KALRN: variants seen among roughly 807,000 people sequenced by gnomAD.
KALRN encodes the protein kalirin.
Under a neutral mutation model 353.7 loss-of-function variants are expected in KALRN, and 70 were observed. The observed-to-expected ratio is 0.20, with a 90% CI of 0.16 to 0.24. The LOEUF (loss-of-function observed/expected upper bound fraction) is 0.24, where lower values mean the gene tolerates loss of function less well. Among genes scored for constraint, KALRN ranks in the 10% least tolerant of loss-of-function variants. The probability of loss-of-function intolerance (pLI) is 1.00; values close to 1 mark genes in which losing one functional copy is unlikely to be tolerated. For synonymous variants in KALRN, 1,391 were observed against 1,434.8 expected (o/e 0.97, Z 0.69); for missense variants, 2,791 against 3,756.7 (o/e 0.74, Z 6.72).
chr3:124,572,324 C>CAA (rs34180333), intron 34 of KALRN, among the ~76,000 whole-genome samples: 1,497 of 136,762 alleles, frequency 0.011, 32 homozygotes, highest in African/African-American at 0.037. Context: ...GACCCCATCT[C>CAA]AAAAAAAAAC....
At chr3:124,140,391 G>A (rs2066472195) in intron 1 of KALRN, among the ~76,000 whole-genome samples, 2 of 152,196 alleles carry the variant, frequency 1.3e-5, no homozygotes, top group African/African-American at 4.8e-5. Flanking sequence ...GAATAGAAGT[G>A]ATATTTTAGG....
At chr3:124,143,506 G>T (rs2066893996) in intron 1 of KALRN, among the ~76,000 whole-genome samples, 1 of 152,170 alleles carries the variant, frequency 6.6e-6, no homozygotes, top group African/African-American at 2.4e-5. Flanking sequence ...TCTGCAACTT[G>T]CGAGCTGTGT....
chr3:124,561,796 T>G (rs1422021217), intron 33 of KALRN, among the ~76,000 whole-genome samples: 2 of 152,200 alleles, frequency 1.3e-5, no homozygotes, highest in African/African-American at 4.8e-5. Flanking sequence ...AGCCTCCTCA[T>G]TCCTTCCGTT....
intron 27 of KALRN, among the ~76,000 whole-genome samples, chr3:124,477,784 C>T (rs761607509): frequency 7.2e-5 from 11 of 152,188 alleles, no homozygotes; most frequent in Non-Finnish European, 1.3e-4. Context: ...GGTAACTGAA[C>T]TCCACTCAAG....
intron 28 of KALRN, among the ~76,000 whole-genome samples, chr3:124,485,170 A>T (rs1015320188): frequency 1.3e-5 from 2 of 152,244 alleles, no homozygotes; most frequent in African/African-American, 4.8e-5. Flanking sequence ...ATTGATTTTT[A>T]TGGTTTTGAA....
intron 34 of KALRN, among the ~76,000 whole-genome samples, chr3:124,630,211 A>G (rs1240229083): frequency 1.3e-5 from 2 of 152,158 alleles, no homozygotes; most frequent in African/African-American, 4.8e-5. Context: ...AGTTTGCTCA[A>G]TGTGGTTTTC....
chr3:124,147,693 C>T (rs2067538889), intron 1 of KALRN, among the ~76,000 whole-genome samples: 1 of 152,196 alleles, frequency 6.6e-6, no homozygotes, highest in Non-Finnish European at 1.5e-5. Flanking sequence ...TCCAGTTTTT[C>T]TCCCATATTC....
chr3:124,403,731 C>T (rs1323505766), intron 13 of KALRN, among the ~76,000 whole-genome samples: 1 of 152,152 alleles, frequency 6.6e-6, no homozygotes, highest in Non-Finnish European at 1.5e-5. Flanking sequence ...TTCGGTCAGC[C>T]TTTTACCTAT....
intron 51 of KALRN, among the ~76,000 whole-genome samples, chr3:124,689,199 C>A (rs2061697593): frequency 6.6e-6 from 1 of 152,136 alleles, no homozygotes. Context: ...ACTATTTCGT[C>A]TATGTTTTCT....
intron 34 of KALRN, among the ~76,000 whole-genome samples, chr3:124,608,832 G>A (rs1192529331): frequency 6.6e-6 from 1 of 152,296 alleles, no homozygotes; most frequent in Non-Finnish European, 1.5e-5. Context: ...AGCAAGATTG[G>A]GTTTTACCTA....
At chr3:124,216,060 T>G (rs899028408) in intron 1 of KALRN, among the ~76,000 whole-genome samples, 1 of 152,214 alleles carries the variant, frequency 6.6e-6, no homozygotes, top group African/African-American at 2.4e-5. Context: ...AAACTCATTT[T>G]GTGTTCAACT....
intron 6 of KALRN, among the ~76,000 whole-genome samples, chr3:124,303,699 T>C (rs1395185820): frequency 2.0e-5 from 3 of 152,228 alleles, no homozygotes; most frequent in Admixed American, 6.5e-5. Flanking sequence ...TTTTCTATTA[T>C]GACTGTGAGG....
rs1311538328 is a variant in KALRN at position 124,721,351 on chromosome 3, T to C, written c.*1881T>C. ...ACCGACTCCGACTGTATTTGTTTCT[T>C]AATTTTCAAATGGCCCTGGGTCATA... On this transcript the variant is annotated 3_prime_UTR_variant, in exon 60 of 60. Coordinates refer to ENST00000682506, the MANE Select transcript of KALRN (RefSeq NM_001388419.1). 2 of 152,242 alleles carry C rather than the reference T, an allele frequency of 1.3e-5. No homozygotes were observed. Among genetic ancestry groups the C allele is most frequent in the Non-Finnish European group, 2.9e-5 (2 of 68,048 alleles). 9.4% of individuals were successfully genotyped at this position (152,242 alleles called of 1,614,324 possible).
chr3:124,636,956 C>T (rs2081414120), intron 36 of KALRN: 1 of 448,128 alleles, frequency 2.2e-6, no homozygotes, highest in African/African-American at 2.0e-5. Context: ...TTCTCCTCTC[C>T]CCTCCTTCAT....
At chr3:124,364,858 T>C (rs1201568288) in intron 10 of KALRN, among the ~76,000 whole-genome samples, 2 of 152,212 alleles carry the variant, frequency 1.3e-5, no homozygotes, top group Non-Finnish European at 1.5e-5. Flanking sequence ...GGAGAGCTGT[T>C]AGACACTTCT....
chr3:124,208,175 T>A (rs948362042), intron 1 of KALRN, among the ~76,000 whole-genome samples: 3 of 152,250 alleles, frequency 2.0e-5, no homozygotes, highest in African/African-American at 7.2e-5. Flanking sequence ...GCGTTATTAT[T>A]ACACATTGTC....
intron 29 of KALRN, among the ~76,000 whole-genome samples, chr3:124,490,357 T>C (rs1455228649): frequency 6.6e-6 from 1 of 152,184 alleles, no homozygotes; most frequent in African/African-American, 2.4e-5. Flanking sequence ...TAGAAAGTTG[T>C]GGAGGACAAA....
intron 1 of KALRN, among the ~76,000 whole-genome samples, chr3:124,215,639 AC>A (rs1217189450): frequency 6.6e-6 from 1 of 152,134 alleles, no homozygotes; most frequent in Non-Finnish European, 1.5e-5. Context: ...AGGAACAGAG[AC>A]CCAGAGAGAT....
intron 1 of KALRN, chr3:124,151,947 C>T: frequency 9.6e-7 from 1 of 1,038,406 alleles, no homozygotes; most frequent in Non-Finnish European, 1.5e-6. Flanking sequence ...GAAAAATAAT[C>T]ATGGTAGACA....
Sources: gnomAD v4.1 joint callset for allele counts (sites outside exome capture counted in the v4.1 genomes callset) on GRCh38, gnomAD v4.1.1 for gene constraint, MANE v1.5 for transcripts, NCBI Gene and HGNC (gene_info 2026-07-23, HGNC 2026-07-21) for gene names.